Variants in PPP1R8 observed in about 807,000 individuals in gnomAD.
PPP1R8 encodes the protein nuclear inhibitor of protein phosphatase 1.
A neutral mutation model predicts 31.3 loss-of-function variants in PPP1R8; 4 were observed. The observed-to-expected ratio is 0.13, with a 90% CI of 0.06 to 0.29. The LOEUF is 0.29. Among genes scored for constraint, PPP1R8 ranks in the 10% least tolerant of loss-of-function variants. PPP1R8 has a pLI of 1.00. For missense variants in PPP1R8, 254 were observed against 440.1 expected (o/e 0.58, Z 3.78); for synonymous variants, 170 against 169.7 (o/e 1.00, Z -0.01).
intron 1 of PPP1R8, chr1:27,831,346 T>C (rs2089103933): frequency 1.0e-6 from 1 of 990,298 alleles, no homozygotes; most frequent in African/African-American, 1.7e-5. Context: ...CACTTGTCTG[T>C]CTGCCACAGA....
chr1:27,836,561 C>G (rs2089168202), intron 2 of PPP1R8, among the ~76,000 whole-genome samples: 1 of 152,092 alleles, frequency 6.6e-6, no homozygotes, highest in Non-Finnish European at 1.5e-5. Context: ...ACTACAGGCA[C>G]CTGCCACCAC....
chr1:27,833,875 G>A (rs1402650782), intron 2 of PPP1R8, among the ~76,000 whole-genome samples: 1 of 152,180 alleles, frequency 6.6e-6, no homozygotes, highest in Admixed American at 6.6e-5. Context: ...ATTAAGGCAT[G>A]CACGAGTTTT....
intron 2 of PPP1R8, 131 bp downstream of exon 2, chr1:27,832,947 CT>C: frequency 1.4e-6 from 1 of 724,824 alleles, no homozygotes; most frequent in Non-Finnish European, 2.3e-6. Flanking sequence ...TTTTTTTTTT[CT>C]GTTAAAAGCA....
At chr1:27,849,399 ACC>A in intron 6 of PPP1R8, among the ~76,000 whole-genome samples, 1 of 151,306 alleles carries the variant, frequency 6.6e-6, no homozygotes, top group Admixed American at 6.6e-5. Context: ...AAAATTGCAC[ACC>A]AAACATGGAC....
Position 27,847,052 on chromosome 1 carries a change from G to A in PPP1R8, c.662G>A (p.Arg221Gln), listed in dbSNP as rs1397039365. The A allele has an allele frequency of 1.2e-6, 2 of 1,613,966 alleles. No homozygotes were observed. The highest frequency in any genetic ancestry group is 1.7e-6 in the Non-Finnish European group (2 of 1,179,992). Residue 221 changes from arginine (R) to glutamine (Q), a missense_variant, in exon 6 of 7, where the codon CGA becomes CAA. Coordinates refer to ENST00000311772, the MANE Select transcript of PPP1R8 (RefSeq NM_014110.5). Reference sequence around the variant, plus strand: ...GAGGATGTGGATCCCTCAGTTGGTCGATTCAGGAACATGGTGCAAACTGCA... The same window carrying A: ...GAGGATGTGGATCCCTCAGTTGGTCAATTCAGGAACATGGTGCAAACTGCA... ...NPEDVDPSVGRFRNMVQTAVV... is the reference protein window; with the variant it reads ...NPEDVDPSVGQFRNMVQTAVV...
At chr1:27,849,458 A>G (rs1335065841) in intron 6 of PPP1R8, among the ~76,000 whole-genome samples, 2 of 151,728 alleles carry the variant, frequency 1.3e-5, no homozygotes, top group African/African-American at 4.8e-5. Flanking sequence ...ATCTATTGCC[A>G]TCTTTTATCA....
intron 5 of PPP1R8, among the ~76,000 whole-genome samples, chr1:27,845,313 C>T (rs1414699680): frequency 1.3e-5 from 2 of 150,622 alleles, no homozygotes; most frequent in African/African-American, 4.9e-5. Flanking sequence ...TGGCGTGAAC[C>T]CAGGAGGCGG....
intron 5 of PPP1R8, among the ~76,000 whole-genome samples, chr1:27,845,944 C>G (rs963676760): frequency 2.4e-4 from 36 of 151,666 alleles, no homozygotes; most frequent in African/African-American, 8.5e-4. Flanking sequence ...TGCACGCCAC[C>G]ACACCCAGCT....
At chr1:27,834,031 CTA>C (rs1338065332) in intron 2 of PPP1R8, among the ~76,000 whole-genome samples, 1 of 152,084 alleles carries the variant, frequency 6.6e-6, no homozygotes. Flanking sequence ...ACCTTTTTTG[CTA>C]TAGATTGTTC....
chr1:27,851,658 C>T lies in PPP1R8; in HGVS notation c.*1212C>T, dbSNP rs751158386. 2.1e-6 allele frequency: 1 copy of T among 473,962 alleles called. No homozygotes were observed. Among genetic ancestry groups the T allele is most frequent in the Non-Finnish European group, 4.2e-6 (1 of 235,486 alleles). The allele number at this position is 473,962 out of a possible 1,614,324, so 29.4% of individuals were successfully genotyped here. A position where few individuals can be genotyped will look rare whatever the true frequency, so the allele number is the denominator to read the frequency against. On this transcript the variant is annotated 3_prime_UTR_variant, in exon 7 of 7. Coordinates refer to ENST00000311772, the MANE Select transcript of PPP1R8 (RefSeq NM_014110.5). ...CCCCATTATATTACAAATAAAGATG[C>T]CCTAAATGAGTGTGGAAATTCTAAT...
intron 2 of PPP1R8, among the ~76,000 whole-genome samples, chr1:27,835,392 T>C (rs1179966106): frequency 2.6e-5 from 4 of 152,240 alleles, no homozygotes; most frequent in Non-Finnish European, 5.9e-5. Context: ...AATAATGTCT[T>C]ATTTTTAACT....
At chr1:27,834,506 A>G in intron 2 of PPP1R8, 2 of 519,130 alleles carry the variant, frequency 3.9e-6, no homozygotes, top group South Asian at 1.4e-5. Context: ...AACAAAAGCC[A>G]TGAGTCTTTT....
At position 27,850,639 on chromosome 1, in the gene PPP1R8, A is replaced by G. The variant is rs1252915259; in HGVS notation, c.*193A>G. On this transcript the variant is annotated 3_prime_UTR_variant, in exon 7 of 7. Transcript: ENST00000311772. ...GCCCATAAAGACCTGTCTTCACAAC[A>G]CTTGCATTGTAGAGAAAGGCTTCTT... 5 of 567,924 alleles carry G rather than the reference A, an allele frequency of 8.8e-6. No homozygotes were observed. The highest frequency in any genetic ancestry group is 1.5e-5 in the Non-Finnish European group (5 of 324,900). 35.2% of individuals were successfully genotyped at this position (567,924 alleles called of 1,614,324 possible).
chr1:27,850,205 G>A lies in PPP1R8; in HGVS notation c.815G>A (p.Ser272Asn), dbSNP rs36014119. 4 of 1,614,208 alleles carry A rather than the reference G, an allele frequency of 2.5e-6. No homozygotes were observed. The African/African-American group carries it at 5.3e-5, about 22-fold the overall frequency. The change falls in exon 7 of 7, where the codon AGT becomes AAT. Residue 272 changes from serine to asparagine, a missense_variant. By Grantham distance (46) the Ser-to-Asn change is conservative. Around this residue, in one of 6 missense-constraint regions of PPP1R8, gnomAD observed 105 missense variants for 128.0 expected, o/e 0.82. Transcript: ENST00000311772. ...TACGGGGGCCTGCCCCCCACACACAGTGAAGCAGGCTCCCAGCCACATGGC... is the reference window on the plus strand; with the variant it reads ...TACGGGGGCCTGCCCCCCACACACAATGAAGCAGGCTCCCAGCCACATGGC... ...GLYGGLPPTH[S>N]EAGSQPHGIH...
At position 27,841,027 on chromosome 1, in the gene PPP1R8, C is replaced by T. The variant is rs1415430836; in HGVS notation, c.285C>T (p.Phe95=). 6 of 1,614,032 alleles carry T rather than the reference C, an allele frequency of 3.7e-6. No homozygotes were observed. In the African/African-American group the frequency reaches 6.7e-5, roughly 18 times the overall value. The change falls in exon 4 of 7, where the codon TTC becomes TTT. Residue 95 remains phenylalanine (F), a synonymous_variant. Coordinates refer to ENST00000311772, the MANE Select transcript of PPP1R8 (RefSeq NM_014110.5). The part of the protein sequence containing the change: ...LIDLNSTHGT[F]LGHIRLEPHK... ...GGTTATTCCCAGCACACGGCACTTT[C>T]TTGGGTCACATTCGGTTGGAACCTC...
At chr1:27,844,329 T>TTTTATTC (rs2148618733) in intron 5 of PPP1R8, among the ~76,000 whole-genome samples, 1 of 151,980 alleles carries the variant, frequency 6.6e-6, no homozygotes, top group East Asian at 1.9e-4. Flanking sequence ...ATTTTTTATT[T>TTTTATTC]TTATTTATTT....
intron 6 of PPP1R8, among the ~76,000 whole-genome samples, chr1:27,848,007 G>A (rs1004958739): frequency 2.0e-5 from 3 of 152,212 alleles, no homozygotes; most frequent in Non-Finnish European, 4.4e-5. Context: ...ATTAGGTGGA[G>A]GAGATGCATT....
chr1:27,847,001 C>T (rs1228017935), intron 5 of PPP1R8, 27 bp from the exon 6 acceptor site: 1 of 1,608,140 alleles, frequency 6.2e-7, no homozygotes, highest in Admixed American at 1.7e-5. Context: ...AGTACCAACC[C>T]AACCCTGCCC....
At chr1:27,832,378 A>G (rs1434621068) in intron 1 of PPP1R8, among the ~76,000 whole-genome samples, 1 of 152,148 alleles carries the variant, frequency 6.6e-6, no homozygotes, top group Non-Finnish European at 1.5e-5. Flanking sequence ...CAACTAATTT[A>G]TTCGGTCTTT....
Sources: allele counts gnomAD v4.1 joint callset (sites outside exome capture counted in the v4.1 genomes callset), GRCh38; gene constraint gnomAD v4.1.1; regional missense constraint gnomAD v4.1.1; transcripts MANE v1.5; gene names NCBI Gene and HGNC (gene_info 2026-07-23, HGNC 2026-07-21).